ERBB4: variants seen among roughly 807,000 people sequenced by gnomAD.
ERBB4 encodes the protein receptor tyrosine-protein kinase erbB-4.
In ERBB4, 42 loss-of-function variants were observed where a neutral mutation model predicts 158.0. That is an observed-to-expected ratio of 0.27 (90% confidence interval 0.21 to 0.34). The LOEUF (loss-of-function observed/expected upper bound fraction) is 0.34. ERBB4 is among the 10% of genes least tolerant of loss of function. The pLI is 1.00. For missense variants in ERBB4, 1,333 were observed against 1,624.1 expected, an observed-to-expected ratio of 0.82 and a Z score of 3.08; for synonymous variants, 583 against 558.7, an observed-to-expected ratio of 1.04 and a Z score of -0.61.
chr2:212,237,090 T>G (rs1031446319), intron 1 of ERBB4, among the ~76,000 whole-genome samples: 1 of 152,172 alleles, frequency 6.6e-6, no homozygotes, highest in Non-Finnish European at 1.5e-5. Flanking sequence ...TTTCCTGCTT[T>G]CTCCTGTCGG....
intron 3 of ERBB4, among the ~76,000 whole-genome samples, chr2:211,914,224 G>A (rs1250289385): frequency 6.6e-6 from 1 of 151,580 alleles, no homozygotes; most frequent in African/African-American, 2.4e-5. Context: ...TGTGGTACAA[G>A]CTTTCTATGC....
intron 2 of ERBB4, among the ~76,000 whole-genome samples, chr2:212,025,297 G>T (rs940859780): frequency 6.6e-6 from 1 of 151,712 alleles, no homozygotes; most frequent in Non-Finnish European, 1.5e-5. Flanking sequence ...CACCCTATTT[G>T]CAGCCCACTA....
At chr2:211,751,219 G>C (rs2075122383) in intron 4 of ERBB4, among the ~76,000 whole-genome samples, 1 of 152,036 alleles carries the variant, frequency 6.6e-6, no homozygotes, top group Non-Finnish European at 1.5e-5. Flanking sequence ...ACTTTTGAAA[G>C]CTTAATTTCA....
At chr2:212,265,423 T>C (rs964890252) in intron 1 of ERBB4, among the ~76,000 whole-genome samples, 2 of 152,094 alleles carry the variant, frequency 1.3e-5, no homozygotes, top group African/African-American at 4.8e-5. Flanking sequence ...TTTAACTTAA[T>C]AACAGTAAAA....
In ERBB4 at chr2:211,942,330, TTTTATTTA is replaced by T. The variant is rs200095181; in HGVS notation, c.421+5092_421+5099del. On this transcript the variant is annotated intron_variant, in intron 3 of 27. Transcript: ENST00000342788. ...CATGTTGTAGTTTCTGGATGAAGCA[TTTTATTTA>T]TTTATTTATTTATTTATTTATTTAT... Among the ~76,000 whole-genome samples the T allele has an allele frequency of 9.4e-3, 1,371 of 145,824 alleles. 19 individuals carry two copies. The highest frequency in any genetic ancestry group is 0.032 in the African/African-American group (1,250 of 38,838).
At chr2:212,114,533 A>C (rs2079515281) in intron 2 of ERBB4, among the ~76,000 whole-genome samples, 1 of 152,196 alleles carries the variant, frequency 6.6e-6, no homozygotes, top group Non-Finnish European at 1.5e-5. Context: ...AGAGGATGGA[A>C]AGTTTTAAGA....
intron 2 of ERBB4, among the ~76,000 whole-genome samples, chr2:211,990,846 C>T (rs2082056659): frequency 1.3e-5 from 2 of 151,830 alleles, no homozygotes; most frequent in Non-Finnish European, 1.5e-5. Flanking sequence ...AGATTAGATG[C>T]TACCAAGTTT....
At chr2:211,998,777 C>T (rs2076032200) in intron 2 of ERBB4, among the ~76,000 whole-genome samples, 1 of 151,638 alleles carries the variant, frequency 6.6e-6, no homozygotes, top group Non-Finnish European at 1.5e-5. Flanking sequence ...AACCATGATA[C>T]CCTAGGGATG....
At chr2:211,589,737 G>A (rs1405502093) in intron 19 of ERBB4, among the ~76,000 whole-genome samples, 1 of 151,956 alleles carries the variant, frequency 6.6e-6, no homozygotes, top group African/African-American at 2.4e-5. Flanking sequence ...TAATACTTCT[G>A]AATTCAAAAT....
chr2:212,474,069 C>G (rs894469823), intron 1 of ERBB4, among the ~76,000 whole-genome samples: 1 of 151,968 alleles, frequency 6.6e-6, no homozygotes, highest in Admixed American at 6.6e-5. Context: ...AAATAGATAA[C>G]GAACACTTTT....
At chr2:212,083,569 C>T (rs910284120) in intron 2 of ERBB4, among the ~76,000 whole-genome samples, 4 of 151,762 alleles carry the variant, frequency 2.6e-5, no homozygotes, top group African/African-American at 9.7e-5. Flanking sequence ...AATAAGACTA[C>T]ACGAGAGACT....
At chr2:211,722,268 T>G (rs889664674) in intron 7 of ERBB4, 125 bp downstream of exon 7, 1 of 750,388 alleles carries the variant, frequency 1.3e-6, no homozygotes, top group Non-Finnish European at 2.3e-6. Flanking sequence ...ATGGGGGCAA[T>G]AGTATCTATA....
chr2:212,271,956 G>A (rs1056941659), intron 1 of ERBB4, among the ~76,000 whole-genome samples: 3 of 151,586 alleles, frequency 2.0e-5, no homozygotes, highest in Admixed American at 6.6e-5. Flanking sequence ...TTAAGAGTCC[G>A]GTTCTCTTAT....
intron 3 of ERBB4, among the ~76,000 whole-genome samples, chr2:211,807,969 G>A (rs1015782071): frequency 6.6e-6 from 1 of 152,084 alleles, no homozygotes; most frequent in Non-Finnish European, 1.5e-5. Flanking sequence ...TTTTTGATGG[G>A]GTTGTTTGCT....
At chr2:212,232,371 T>A (rs966071103) in intron 1 of ERBB4, among the ~76,000 whole-genome samples, 24 of 152,142 alleles carry the variant, frequency 1.6e-4, no homozygotes, top group Non-Finnish European at 2.9e-4. Flanking sequence ...TAAGTAGATA[T>A]AAGAGTTTTC....
chr2:211,758,739 A>C (rs2075340839), intron 4 of ERBB4, among the ~76,000 whole-genome samples: 2 of 152,244 alleles, frequency 1.3e-5, no homozygotes, highest in African/African-American at 4.8e-5. Flanking sequence ...AGCATCTTTC[A>C]GATGTACTCA....
At chr2:211,442,830 A>G (rs2064018133) in intron 20 of ERBB4, among the ~76,000 whole-genome samples, 1 of 152,092 alleles carries the variant, frequency 6.6e-6, no homozygotes, top group African/African-American at 2.4e-5. Flanking sequence ...GAGTAATGGA[A>G]GAAGTAGAAA....
At chr2:212,480,249 G>C (rs1347852972) in intron 1 of ERBB4, among the ~76,000 whole-genome samples, 1 of 152,006 alleles carries the variant, frequency 6.6e-6, no homozygotes, top group East Asian at 1.9e-4. Context: ...TTGTGAAATT[G>C]GACCTTATTA....
intron 5 of ERBB4, among the ~76,000 whole-genome samples, chr2:211,728,899 A>C (rs2074352464): frequency 6.6e-6 from 1 of 151,842 alleles, no homozygotes. Context: ...AAATAATTAC[A>C]ATGATAAGAC....
Sources: gnomAD v4.1 joint callset for allele counts (sites outside exome capture counted in the v4.1 genomes callset) on GRCh38, gnomAD v4.1.1 for gene constraint, MANE v1.5 for transcripts, NCBI Gene and HGNC (gene_info 2026-07-23, HGNC 2026-07-21) for gene names.